Variants in CACNA2D3 observed in about 807,000 individuals in gnomAD.
CACNA2D3 encodes the protein voltage-dependent calcium channel subunit alpha-2/delta-3.
A neutral mutation model predicts 160.6 loss-of-function variants in CACNA2D3; 60 were observed. That is an observed-to-expected ratio of 0.37 (90% confidence interval 0.30 to 0.46). The LOEUF (loss-of-function observed/expected upper bound fraction) is 0.46, where lower values mean the gene tolerates loss of function less well. Ranked by LOEUF, CACNA2D3 falls within the 20% of genes least tolerant of loss-of-function variation. The pLI, the probability that CACNA2D3 is intolerant of heterozygous loss-of-function variation, is 1.00. For missense variants in CACNA2D3, 1,205 were observed against 1,365.0 expected (o/e 0.88, Z 1.85); for synonymous variants, 558 against 492.9 (o/e 1.13, Z -1.75).
chr3:55,074,110 A>G lies in CACNA2D3; in HGVS notation c.3184-4A>G, dbSNP rs1704890824. ...GTCTAACCAACCCCTGCCTTTCCCCATAGGAGAATGCAAGGGAGTGTGGGG... is the reference window on the plus strand; with the variant it reads ...GTCTAACCAACCCCTGCCTTTCCCCGTAGGAGAATGCAAGGGAGTGTGGGG... On this transcript the variant is annotated splice_region_variant and splice_polypyrimidine_tract_variant and intron_variant, in intron 37 of 37. Transcript: ENST00000474759. The G allele has an allele frequency of 1.9e-6, 3 of 1,612,220 alleles. No individual in the cohort carries two copies. Among genetic ancestry groups the G allele is most frequent in the Admixed American group, 1.7e-5 (1 of 60,020 alleles).
intron 2 of CACNA2D3, among the ~76,000 whole-genome samples, chr3:54,266,628 A>G (rs952423289): frequency 3.9e-5 from 6 of 152,204 alleles, no homozygotes; most frequent in African/African-American, 1.4e-4. Context: ...GCGGGTGACT[A>G]GATGAATGAA....
rs1211284990 is a variant in CACNA2D3, at chr3:55,073,461, C to T, written c.3004C>T (p.Gln1002Ter). Reference protein sequence around the residue: ...EDCSKSFVIQQIPSSNLFMVV... With the variant: ...EDCSKSFVIQ ...TTCCAACAGGTCCTTTGTCATCCAG[C>T]AAATCCCAAGCAGCAACCTGTTCAT... Residue 1002 changes from glutamine to a stop codon, truncating the protein, a stop_gained, in exon 36 of 38, where the codon CAA becomes TAA. Coordinates refer to ENST00000474759, the MANE Select transcript of CACNA2D3 (RefSeq NM_018398.3). LOFTEE classifies it high-confidence loss of function. The T allele has an allele frequency of 6.2e-7, 1 of 1,613,848 alleles. No individual in the cohort carries two copies. Among genetic ancestry groups the T allele is most frequent in the Admixed American group, 1.7e-5 (1 of 60,020 alleles).
intron 35 of CACNA2D3, among the ~76,000 whole-genome samples, chr3:55,055,088 A>G (rs1181780538): frequency 2.0e-5 from 3 of 152,096 alleles, no homozygotes; most frequent in Non-Finnish European, 4.4e-5. Flanking sequence ...TATAAGAAAC[A>G]TGCTGATTAA....
intron 17 of CACNA2D3, among the ~76,000 whole-genome samples, chr3:54,861,198 A>G (rs965919690): frequency 1.3e-5 from 2 of 152,104 alleles, no homozygotes; most frequent in Admixed American, 6.6e-5. Flanking sequence ...TGAGGAGAGT[A>G]TGGGAAGGAC....
chr3:54,839,264 TA>T (rs1003353792), intron 16 of CACNA2D3, among the ~76,000 whole-genome samples: 64 of 147,414 alleles, frequency 4.3e-4, no homozygotes, highest in African/African-American at 1.1e-3. Flanking sequence ...TATCAAAAAA[TA>T]AAAAAAAAAT....
rs1703584968 is a variant in CACNA2D3 at position 55,027,386 on chromosome 3, G to C, written c.2987+9069G>C. On this transcript the variant is annotated intron_variant, in intron 35 of 37. Coordinates refer to ENST00000474759, the MANE Select transcript of CACNA2D3 (RefSeq NM_018398.3). ...GAAGCTGTTGTTTGGCATTTTCTGT[G>C]AGCTTTGTATTCTCAGAATGCAGTA... 2.0e-5 allele frequency among the ~76,000 whole-genome samples: 3 copies of C among 152,104 alleles called. No homozygotes were observed. In the South Asian group the frequency reaches 6.2e-4, roughly 31 times the overall value.
At chr3:54,987,061 G>A (rs1330104194) in intron 30 of CACNA2D3, among the ~76,000 whole-genome samples, 2 of 152,194 alleles carry the variant, frequency 1.3e-5, no homozygotes, top group Non-Finnish European at 2.9e-5. Context: ...ACAGCCTCAG[G>A]TGTGGGGTAG....
At chr3:54,162,715 C>T (rs552218647) in intron 2 of CACNA2D3, among the ~76,000 whole-genome samples, 2 of 152,086 alleles carry the variant, frequency 1.3e-5, no homozygotes, top group African/African-American at 4.8e-5. Context: ...AACTAATAAC[C>T]TAGTAGGGAA....
intron 27 of CACNA2D3, among the ~76,000 whole-genome samples, chr3:54,915,434 C>T (rs1568982): frequency 0.13 from 19,316 of 152,130 alleles, 1,254 homozygotes; most frequent in Middle Eastern, 0.16. Flanking sequence ...CAACACTAAA[C>T]GTGATTTTTG....
intron 4 of CACNA2D3, among the ~76,000 whole-genome samples, chr3:54,435,979 G>C (rs1192645559): frequency 6.6e-6 from 1 of 152,020 alleles, no homozygotes; most frequent in African/African-American, 2.4e-5. Context: ...TAGTAGAGTG[G>C]GAACGACAGA....
intron 11 of CACNA2D3, among the ~76,000 whole-genome samples, chr3:54,721,531 C>T (rs1701168869): frequency 1.3e-5 from 2 of 152,024 alleles, no homozygotes; most frequent in African/African-American, 2.4e-5. Flanking sequence ...GAAGCCAAGG[C>T]AGGTGGATCA....
intron 26 of CACNA2D3, among the ~76,000 whole-genome samples, chr3:54,897,611 G>A (rs1700221700): frequency 6.6e-6 from 1 of 152,084 alleles, no homozygotes; most frequent in African/African-American, 2.4e-5. Flanking sequence ...AACTTGGGTT[G>A]CTCTGGAAAG....
intron 5 of CACNA2D3, among the ~76,000 whole-genome samples, chr3:54,537,702 C>G (rs1410890434): frequency 1.3e-5 from 2 of 152,126 alleles, no homozygotes; most frequent in South Asian, 2.1e-4. Context: ...CGGGCATAGT[C>G]AAGTAGGGAT....
intron 5 of CACNA2D3, among the ~76,000 whole-genome samples, chr3:54,558,183 G>A (rs1228344649): frequency 6.6e-6 from 1 of 152,174 alleles, no homozygotes; most frequent in Non-Finnish European, 1.5e-5. Context: ...GACGACTGGA[G>A]TAACCTCATC....
chr3:54,452,721 A>G (rs1026502639), intron 4 of CACNA2D3, among the ~76,000 whole-genome samples: 1 of 152,098 alleles, frequency 6.6e-6, no homozygotes, highest in Non-Finnish European at 1.5e-5. Context: ...GCTTAAAACA[A>G]CAGGAATTTA....
At chr3:54,729,843 C>T (rs1701351804) in intron 11 of CACNA2D3, among the ~76,000 whole-genome samples, 1 of 151,716 alleles carries the variant, frequency 6.6e-6, no homozygotes, top group Non-Finnish European at 1.5e-5. Flanking sequence ...ACTAAAAATA[C>T]AAAAAATAAG....
intron 35 of CACNA2D3, among the ~76,000 whole-genome samples, chr3:55,071,173 G>C (rs358069): frequency 6.6e-6 from 1 of 151,816 alleles, no homozygotes; most frequent in Non-Finnish European, 1.5e-5. Flanking sequence ...ACCTGAACCT[G>C]TTTCTTTTTT....
intron 11 of CACNA2D3, among the ~76,000 whole-genome samples, chr3:54,689,545 A>C (rs765207210): frequency 6.6e-6 from 1 of 151,992 alleles, no homozygotes; most frequent in Non-Finnish European, 1.5e-5. Flanking sequence ...CAGCTCCTCA[A>C]CTACCTCCCC....
chr3:54,811,465 C>CCTTTTTTTTTTTTTTT (rs1703312318), intron 13 of CACNA2D3, among the ~76,000 whole-genome samples: 1 of 111,562 alleles, frequency 9.0e-6, no homozygotes, highest in African/African-American at 3.4e-5. Context: ...TCCCTCAGTT[C>CCTTTTTTTTTTTTTTT]TTTTTTTTTT....
Sources: gnomAD v4.1 joint callset for allele counts (sites outside exome capture counted in the v4.1 genomes callset) on GRCh38, gnomAD v4.1.1 for gene constraint, MANE v1.5 for transcripts, NCBI Gene and HGNC (gene_info 2026-07-23, HGNC 2026-07-21) for gene names.